Variants in PRKN observed in about 807,000 individuals in gnomAD.
The protein encoded by PRKN is E3 ubiquitin-protein ligase parkin.
Under a neutral mutation model 59.5 loss-of-function variants are expected in PRKN, and 56 were observed. The observed-to-expected ratio is 0.94, with a 90% CI of 0.76 to 1.18. The LOEUF is 1.18. PRKN is among the 50% of genes most tolerant of loss of function. PRKN has a pLI of 0.00. For missense variants in PRKN, 657 were observed against 596.4 expected (o/e 1.10, Z -1.06); for synonymous variants, 250 against 222.1 (o/e 1.13, Z -1.12).
At chr6:161,681,480 T>C (rs1785361855) in intron 7 of PRKN, among the ~76,000 whole-genome samples, 1 of 152,162 alleles carries the variant, frequency 6.6e-6, no homozygotes, top group East Asian at 1.9e-4. Context: ...TGATTGTCTT[T>C]GGAAGTATTG....
chr6:162,654,468 C>G (rs1173197453), intron 1 of PRKN, among the ~76,000 whole-genome samples: 1 of 152,186 alleles, frequency 6.6e-6, no homozygotes, highest in South Asian at 2.1e-4. Flanking sequence ...CGATTTGTGC[C>G]ACACACATTC....
chr6:162,560,383 A>G (rs1484411124), intron 1 of PRKN, among the ~76,000 whole-genome samples: 4 of 152,218 alleles, frequency 2.6e-5, no homozygotes, highest in African/African-American at 7.2e-5. Flanking sequence ...CTGTCAACAC[A>G]TAACAATTAC....
chr6:162,470,476 C>T (rs980107660), intron 1 of PRKN, among the ~76,000 whole-genome samples: 4 of 151,926 alleles, frequency 2.6e-5, no homozygotes, highest in African/African-American at 9.6e-5. Flanking sequence ...TGGTGGCAGG[C>T]GCTACTTGGG....
At chr6:162,187,391 G>A (rs1237009411) in intron 4 of PRKN, among the ~76,000 whole-genome samples, 1 of 152,150 alleles carries the variant, frequency 6.6e-6, no homozygotes, top group Non-Finnish European at 1.5e-5. Context: ...TCAGCTGAGT[G>A]AGAACTTTCC....
intron 3 of PRKN, among the ~76,000 whole-genome samples, chr6:162,230,757 CTG>C (rs1297248584): frequency 6.6e-6 from 1 of 152,196 alleles, no homozygotes; most frequent in Non-Finnish European, 1.5e-5. Flanking sequence ...ACAAGAAACT[CTG>C]TTAATTGACT....
At chr6:161,542,830 A>G (rs1232136085) in intron 9 of PRKN, among the ~76,000 whole-genome samples, 1 of 152,120 alleles carries the variant, frequency 6.6e-6, no homozygotes. Flanking sequence ...CCTGAGAAAC[A>G]CCTGTTCTTT....
chr6:161,418,904 A>G (rs1286849558), intron 9 of PRKN, among the ~76,000 whole-genome samples: 1 of 152,230 alleles, frequency 6.6e-6, no homozygotes, highest in Non-Finnish European at 1.5e-5. Flanking sequence ...GCATTTTCAC[A>G]TACAGGCGGT....
At chr6:162,130,658 A>C (rs1434185750) in intron 4 of PRKN, among the ~76,000 whole-genome samples, 1 of 152,198 alleles carries the variant, frequency 6.6e-6, no homozygotes, top group African/African-American at 2.4e-5. Context: ...TGCTACATCT[A>C]TGGTGACTAT....
rs1583283426 is a variant in PRKN at position 162,262,406 on chromosome 6, G to A, written c.412+119C>T. ...AGTGATGTCTCCTTGTAGTGAATTAGAGACTCCAATCCAAAACGTATCATA... is the reference window on the plus strand; with the variant it reads ...AGTGATGTCTCCTTGTAGTGAATTAAAGACTCCAATCCAAAACGTATCATA... On this transcript the variant is annotated intron_variant, in intron 3 of 11. Transcript: ENST00000366898. 4 of 1,200,080 alleles carry A rather than the reference G, an allele frequency of 3.3e-6. No individual in the cohort carries two copies. In the East Asian group the frequency reaches 9.3e-5, roughly 28 times the overall value. 74.3% of individuals were successfully genotyped at this position (1,200,080 alleles called of 1,614,324 possible). A position where few individuals can be genotyped will look rare whatever the true frequency, so the allele number is the denominator to read the frequency against.
intron 10 of PRKN, among the ~76,000 whole-genome samples, chr6:161,365,580 G>C (rs979305264): frequency 6.6e-6 from 1 of 152,188 alleles, no homozygotes; most frequent in Non-Finnish European, 1.5e-5. Flanking sequence ...AATATGCTTT[G>C]TTCTGTCCAG....
intron 7 of PRKN, among the ~76,000 whole-genome samples, chr6:161,638,425 G>A (rs1187026341): frequency 1.3e-5 from 2 of 152,254 alleles, no homozygotes; most frequent in African/African-American, 4.8e-5. Flanking sequence ...GTGAGCCATC[G>A]TGTCCGGCCA....
chr6:161,621,560 G>A (rs1054173708), intron 7 of PRKN, among the ~76,000 whole-genome samples: 8 of 151,982 alleles, frequency 5.3e-5, no homozygotes, highest in African/African-American at 7.3e-5. Flanking sequence ...AATGGGGCCC[G>A]TCCACATTAA....
intron 5 of PRKN, among the ~76,000 whole-genome samples, chr6:162,010,564 ATATTATATAATGTAT>A (rs1782505922): frequency 4.8e-5 from 1 of 20,724 alleles, no homozygotes; most frequent in African/African-American, 3.7e-4. Context: ...ATTATATAAT[ATATTATATAATGTAT>A]TATATTATAT....
intron 3 of PRKN, among the ~76,000 whole-genome samples, chr6:162,224,875 T>G (rs4235934): frequency 0.52 from 78,726 of 152,018 alleles, 22,641 homozygotes; most frequent in East Asian, 0.88. Flanking sequence ...AAAGCCATTT[T>G]CTGATCAAAT....
At chr6:162,149,251 C>T (rs907729232) in intron 4 of PRKN, among the ~76,000 whole-genome samples, 3 of 151,678 alleles carry the variant, frequency 2.0e-5, no homozygotes, top group Non-Finnish European at 4.4e-5. Context: ...CTTTTTTCTT[C>T]ATAATTTTTT....
intron 3 of PRKN, among the ~76,000 whole-genome samples, chr6:162,203,179 T>TA (rs1209626701): frequency 6.6e-6 from 1 of 152,198 alleles, no homozygotes; most frequent in Non-Finnish European, 1.5e-5. Context: ...TTTCAGCTAA[T>TA]GATATATCAA....
At chr6:162,003,721 C>T (rs966914979) in intron 5 of PRKN, among the ~76,000 whole-genome samples, 29 of 152,090 alleles carry the variant, frequency 1.9e-4, no homozygotes, top group African/African-American at 6.5e-4. Context: ...ATTGGAACAC[C>T]TCATAATATA....
chr6:162,111,132 G>C (rs751663814), intron 4 of PRKN, among the ~76,000 whole-genome samples: 1 of 152,082 alleles, frequency 6.6e-6, no homozygotes, highest in Non-Finnish European at 1.5e-5. Flanking sequence ...CTGAGTCAAC[G>C]TACAGGCATG....
At chr6:161,908,742 T>A (rs1374006186) in intron 6 of PRKN, among the ~76,000 whole-genome samples, 1 of 152,188 alleles carries the variant, frequency 6.6e-6, no homozygotes, top group Non-Finnish European at 1.5e-5. Context: ...CAACCCTTAA[T>A]CTATTAATTA....
Sources: allele counts gnomAD v4.1 joint callset (sites outside exome capture counted in the v4.1 genomes callset), GRCh38; gene constraint gnomAD v4.1.1; transcripts MANE v1.5; gene names NCBI Gene and HGNC (gene_info 2026-07-23, HGNC 2026-07-21).